Variants in FILIP1L observed in about 807,000 individuals in gnomAD.
FILIP1L encodes filamin A-interacting protein 1-like.
A neutral mutation model predicts 96.6 loss-of-function variants in FILIP1L; 55 were observed. That is an observed-to-expected ratio of 0.57 (90% confidence interval 0.46 to 0.71). FILIP1L has a LOEUF of 0.71. Among genes scored for constraint, FILIP1L ranks in the 30% least tolerant of loss-of-function variants. The pLI is 0.00. For missense variants in FILIP1L, 1,304 were observed against 1,321.2 expected (o/e 0.99, Z 0.20); for synonymous variants, 467 against 473.9 (o/e 0.99, Z 0.19).
intron 1 of FILIP1L, among the ~76,000 whole-genome samples, chr3:100,096,450 T>C (rs2066209991): frequency 6.6e-6 from 1 of 152,204 alleles, no homozygotes; most frequent in African/African-American, 2.4e-5. Flanking sequence ...TGAGATCCTG[T>C]CATTTACAAC....
chr3:99,993,207 G>T (rs1709574091), intron 1 of FILIP1L, among the ~76,000 whole-genome samples: 3 of 151,930 alleles, frequency 2.0e-5, no homozygotes, highest in African/African-American at 7.3e-5. Flanking sequence ...AATGACATTG[G>T]TGATCTGATA....
At chr3:100,111,944 ACT>A (rs2066498251) in intron 1 of FILIP1L, among the ~76,000 whole-genome samples, 1 of 152,076 alleles carries the variant, frequency 6.6e-6, no homozygotes, top group East Asian at 1.9e-4. Context: ...TAGTAATCAG[ACT>A]CTCTGTGCAG....
At chr3:100,088,729 T>C (rs537932116) in intron 1 of FILIP1L, among the ~76,000 whole-genome samples, 1 of 152,134 alleles carries the variant, frequency 6.6e-6, no homozygotes, top group Non-Finnish European at 1.5e-5. Context: ...TATTTTCTTG[T>C]CCTTGTGCCT....
intron 5 of FILIP1L, among the ~76,000 whole-genome samples, chr3:99,833,572 C>G (rs1053022353): frequency 3.3e-5 from 5 of 152,252 alleles, no homozygotes; most frequent in African/African-American, 1.2e-4. Flanking sequence ...TATCAGATCT[C>G]AGACAGCTGG....
intron 1 of FILIP1L, among the ~76,000 whole-genome samples, chr3:100,081,443 A>T (rs2065930339): frequency 1.3e-5 from 2 of 152,182 alleles, no homozygotes; most frequent in African/African-American, 4.8e-5. Context: ...TGTCAATGCT[A>T]GTCTCTTAGA....
At chr3:100,001,447 A>T (rs994174124) in intron 1 of FILIP1L, among the ~76,000 whole-genome samples, 3 of 152,232 alleles carry the variant, frequency 2.0e-5, no homozygotes, top group Non-Finnish European at 4.4e-5. Context: ...GATCAAAAAG[A>T]TTATACCATC....
chr3:99,922,728 A>G (rs1179992101), intron 4 of FILIP1L, among the ~76,000 whole-genome samples: 1 of 152,206 alleles, frequency 6.6e-6, no homozygotes, highest in African/African-American at 2.4e-5. Flanking sequence ...TACTGTCTAC[A>G]GTGGTTCAGA....
intron 1 of FILIP1L, among the ~76,000 whole-genome samples, chr3:100,034,372 G>A (rs2065071936): frequency 6.6e-6 from 1 of 152,172 alleles, no homozygotes; most frequent in South Asian, 2.1e-4. Context: ...TGTGCAGGCT[G>A]CAGAATGTTA....
chr3:99,992,813 C>G (rs1290032192), intron 1 of FILIP1L, among the ~76,000 whole-genome samples: 1 of 151,974 alleles, frequency 6.6e-6, no homozygotes, highest in Non-Finnish European at 1.5e-5. Context: ...ACATTTAGAT[C>G]TTTAATCCAT....
chr3:100,029,697 A>G (rs768645167), intron 1 of FILIP1L, among the ~76,000 whole-genome samples: 4 of 152,164 alleles, frequency 2.6e-5, no homozygotes, highest in Non-Finnish European at 5.9e-5. Context: ...GAACAGTACA[A>G]CATTTCTGAT....
At chr3:99,902,395 A>G (rs1706465657) in intron 4 of FILIP1L, among the ~76,000 whole-genome samples, 1 of 152,222 alleles carries the variant, frequency 6.6e-6, no homozygotes, top group South Asian at 2.1e-4. Flanking sequence ...ATGTTTTACA[A>G]GAAGCAGTTT....
At chr3:99,887,572 C>T (rs1328295345) in intron 4 of FILIP1L, among the ~76,000 whole-genome samples, 1 of 152,102 alleles carries the variant, frequency 6.6e-6, no homozygotes, top group Non-Finnish European at 1.5e-5. Context: ...TACAGACAGT[C>T]GGGTGCCATC....
chr3:100,095,899 A>T (rs993780639), intron 1 of FILIP1L, among the ~76,000 whole-genome samples: 21 of 152,214 alleles, frequency 1.4e-4, no homozygotes, highest in African/African-American at 4.8e-4. Flanking sequence ...ACTGCAGTAT[A>T]TAAGGAGCTC....
intron 1 of FILIP1L, among the ~76,000 whole-genome samples, chr3:100,086,325 G>A (rs2066007493): frequency 6.6e-6 from 1 of 152,090 alleles, no homozygotes; most frequent in African/African-American, 2.4e-5. Flanking sequence ...GTACTTGTTT[G>A]GACATCAATA....
chr3:99,876,423 G>T (rs558361608), intron 4 of FILIP1L, among the ~76,000 whole-genome samples: 1 of 152,330 alleles, frequency 6.6e-6, no homozygotes, highest in South Asian at 2.1e-4. Flanking sequence ...CCTCCTGTCG[G>T]GCTAACAAAG....
At chr3:99,902,536 A>G (rs762082382) in intron 4 of FILIP1L, among the ~76,000 whole-genome samples, 10 of 152,178 alleles carry the variant, frequency 6.6e-5, no homozygotes, top group Non-Finnish European at 1.0e-4. Flanking sequence ...TTCTGAGGAA[A>G]TGGTGTGAAG....
chr3:100,058,539 C>T (rs2065504792), intron 1 of FILIP1L, among the ~76,000 whole-genome samples: 2 of 152,206 alleles, frequency 1.3e-5, no homozygotes, highest in Non-Finnish European at 2.9e-5. Context: ...CAATCTAAAG[C>T]TTTGCTCAGC....
chr3:100,042,752 A>G (rs1559737005), intron 1 of FILIP1L, among the ~76,000 whole-genome samples: 1 of 152,090 alleles, frequency 6.6e-6, no homozygotes, highest in African/African-American at 2.4e-5. Context: ...TGCTATAACC[A>G]TTTCTTCCAC....
At chr3:100,024,403 T>G (rs1384013025) in intron 1 of FILIP1L, among the ~76,000 whole-genome samples, 1 of 152,200 alleles carries the variant, frequency 6.6e-6, no homozygotes, top group Non-Finnish European at 1.5e-5. Flanking sequence ...GAAGGAATCC[T>G]TCTAGATTTT....
Sources: gnomAD v4.1 joint callset for allele counts (sites outside exome capture counted in the v4.1 genomes callset) on GRCh38, gnomAD v4.1.1 for gene constraint, MANE v1.5 for transcripts, NCBI Gene and HGNC (gene_info 2026-07-23, HGNC 2026-07-21) for gene names.